The following PTPRG variants were observed in gnomAD, a reference collection of about 807,000 sequenced individuals.
PTPRG encodes protein tyrosine phosphatase receptor type G, also known as receptor-type tyrosine-protein phosphatase gamma.
Under a neutral mutation model 165.3 loss-of-function variants are expected in PTPRG, and 102 were observed. The ratio of observed to expected loss-of-function variants is 0.62; its 90% confidence interval spans 0.53 to 0.73. The LOEUF (loss-of-function observed/expected upper bound fraction) is 0.73, where lower values mean the gene tolerates loss of function less well. PTPRG is among the 30% of genes least tolerant of loss of function. PTPRG has a pLI of 0.00. For missense variants in PTPRG, 1,866 were observed against 1,861.4 expected (o/e 1.00, Z -0.05); for synonymous variants, 675 against 669.5 (o/e 1.01, Z -0.13).
In PTPRG at chr3:61,781,550, A is replaced by G. The variant is rs375066744; in HGVS notation, c.190+32568A>G. On this transcript the variant is annotated intron_variant, in intron 2 of 29. Transcript: ENST00000474889. ...AAAATTTGAGAATGCTTAATCTATC[A>G]TGAGTTTCCTACATGAGGCAAAATC... 9.8e-5 allele frequency among the ~76,000 whole-genome samples: 15 copies of G among 152,310 alleles called. No individual in the cohort carries two copies. In the South Asian group the frequency reaches 2.5e-3, roughly 25 times the overall value.
At chr3:61,938,151 A>C (rs1224200099) in intron 2 of PTPRG, among the ~76,000 whole-genome samples, 1 of 151,930 alleles carries the variant, frequency 6.6e-6, no homozygotes, top group East Asian at 1.9e-4. Context: ...CTCTGTGGTT[A>C]ACTAAATCCG....
At chr3:61,967,953 T>G (rs1559718820) in intron 2 of PTPRG, among the ~76,000 whole-genome samples, 1 of 152,176 alleles carries the variant, frequency 6.6e-6, no homozygotes, top group East Asian at 1.9e-4. Flanking sequence ...AGTATGTGAG[T>G]AAGTTTAGAT....
chr3:62,196,398 C>T (rs919357127), intron 10 of PTPRG, among the ~76,000 whole-genome samples: 7 of 151,772 alleles, frequency 4.6e-5, no homozygotes, highest in South Asian at 2.1e-4. Context: ...AGTAAAACTC[C>T]GTCTCGAAAA....
intron 1 of PTPRG, among the ~76,000 whole-genome samples, chr3:61,575,997 G>A (rs1289478615): frequency 6.6e-6 from 1 of 152,164 alleles, no homozygotes; most frequent in African/African-American, 2.4e-5. Flanking sequence ...GCCTAAACAC[G>A]CTCTCAACGA....
rs1703080800 is a variant in PTPRG at position 62,296,839 on chromosome 3, G to A, written c.*3532G>A. 1 of 151,840 alleles carries A rather than the reference G, an allele frequency of 6.6e-6. No individual in the cohort carries two copies. The highest frequency in any genetic ancestry group is 1.5e-5 in the Non-Finnish European group (1 of 67,924). 9.4% of individuals were successfully genotyped at this position (151,840 alleles called of 1,614,324 possible). ...CTGTTAAACTGTTTTTAGTATTTTTGTTAAATATTTGCAAAGGGAAGCATT... is the reference window on the plus strand; with the variant it reads ...CTGTTAAACTGTTTTTAGTATTTTTATTAAATATTTGCAAAGGGAAGCATT... On this transcript the variant is annotated 3_prime_UTR_variant, in exon 30 of 30. Coordinates refer to ENST00000474889, the MANE Select transcript of PTPRG (RefSeq NM_002841.4).
intron 2 of PTPRG, among the ~76,000 whole-genome samples, chr3:61,768,802 G>C (rs145245636): frequency 7.3e-4 from 111 of 152,204 alleles, no homozygotes; most frequent in Non-Finnish European, 1.4e-3. Context: ...AGAGGGGTAT[G>C]GGGGAGGAGA....
At chr3:62,283,606 T>G (rs1702530227) in intron 28 of PTPRG, among the ~76,000 whole-genome samples, 1 of 152,150 alleles carries the variant, frequency 6.6e-6, no homozygotes, top group Admixed American at 6.6e-5. Flanking sequence ...TACATTCCCA[T>G]TTTTATTTCA....
rs1424154524 is a variant in PTPRG, at chr3:62,190,283, C to G, written c.1034-1186C>G. ...GGATGCTGCTATACAGTACACAGGA[C>G]AGTCCCCAAGAGCAAGGCATTGTCT... On this transcript the variant is annotated intron_variant, in intron 8 of 29. Coordinates refer to ENST00000474889, the MANE Select transcript of PTPRG (RefSeq NM_002841.4). This position sits in a 1 kb window ranked among gnomAD's most constrained non-coding sequence, Gnocchi z 5.2. Among the ~76,000 whole-genome samples the G allele has an allele frequency of 1.3e-5, 2 of 152,192 alleles. No homozygotes were observed. Among genetic ancestry groups the G allele is most frequent in the Non-Finnish European group, 2.9e-5 (2 of 68,038 alleles).
At chr3:61,964,396 G>A (rs141293238) in intron 2 of PTPRG, among the ~76,000 whole-genome samples, 43 of 152,286 alleles carry the variant, frequency 2.8e-4, no homozygotes, top group African/African-American at 9.6e-4. Flanking sequence ...GACTTTCTCA[G>A]ATGGTTCTCT....
chr3:62,044,851 A>AT (rs1700240003), intron 4 of PTPRG, among the ~76,000 whole-genome samples: 1 of 152,114 alleles, frequency 6.6e-6, no homozygotes, highest in African/African-American at 2.4e-5. Context: ...CTGTATGTTT[A>AT]TTATAGCCCT....
At chr3:61,588,356 T>A (rs1700486044) in intron 1 of PTPRG, among the ~76,000 whole-genome samples, 2 of 152,130 alleles carry the variant, frequency 1.3e-5, no homozygotes. Flanking sequence ...CATAAAACAT[T>A]CCAGAAATAC....
intron 1 of PTPRG, among the ~76,000 whole-genome samples, chr3:61,577,449 T>TA (rs1575513349): frequency 1.3e-5 from 2 of 152,310 alleles, no homozygotes; most frequent in East Asian, 3.9e-4. Context: ...GTATGGCATG[T>TA]CTAAATTGAG....
At chr3:62,024,672 A>G (rs1224622252) in intron 4 of PTPRG, among the ~76,000 whole-genome samples, 1 of 152,162 alleles carries the variant, frequency 6.6e-6, no homozygotes, top group Non-Finnish European at 1.5e-5. Context: ...TTTCTTACCA[A>G]GTGGGTTTTT....
intron 2 of PTPRG, among the ~76,000 whole-genome samples, chr3:61,808,925 A>C (rs1185666698): frequency 1.3e-5 from 2 of 150,660 alleles, no homozygotes; most frequent in Non-Finnish European, 2.9e-5. Flanking sequence ...ATACCATTAA[A>C]ATTTTTAAAA....
intron 1 of PTPRG, among the ~76,000 whole-genome samples, chr3:61,713,406 C>G (rs1360058506): frequency 6.6e-6 from 1 of 150,920 alleles, no homozygotes; most frequent in Non-Finnish European, 1.5e-5. Context: ...CTCCTGACCT[C>G]GTGATCCACC....
chr3:61,840,664 A>AT (rs1473142736), intron 2 of PTPRG, among the ~76,000 whole-genome samples: 1 of 151,404 alleles, frequency 6.6e-6, no homozygotes, highest in Admixed American at 6.6e-5. Flanking sequence ...CAGAGAATAT[A>AT]TTTTTACCTT....
chr3:61,647,763 G>A (rs1702243179), intron 1 of PTPRG, among the ~76,000 whole-genome samples: 1 of 132,576 alleles, frequency 7.5e-6, no homozygotes, highest in South Asian at 2.6e-4. Context: ...CTGCACTCCA[G>A]CCTGGGTGAC....
intron 3 of PTPRG, among the ~76,000 whole-genome samples, chr3:61,997,205 T>C (rs756700347): frequency 2.6e-5 from 4 of 152,234 alleles, no homozygotes; most frequent in African/African-American, 9.6e-5. Context: ...ACTGGATTAC[T>C]GCTATCAGCT....
At chr3:61,795,850 T>C (rs906309785) in intron 2 of PTPRG, among the ~76,000 whole-genome samples, 9 of 152,226 alleles carry the variant, frequency 5.9e-5, no homozygotes, top group Admixed American at 3.9e-4. Flanking sequence ...GGCCTTTGCA[T>C]AGTAAAAGTT....
Sources: gnomAD v4.1 joint callset for allele counts (sites outside exome capture counted in the v4.1 genomes callset) on GRCh38, gnomAD v4.1.1 for gene constraint, Gnocchi (gnomAD v3.1) non-coding constraint, MANE v1.5 for transcripts, NCBI Gene and HGNC (gene_info 2026-07-23, HGNC 2026-07-21) for gene names.